The following HLCS variants were observed in gnomAD, a reference collection of about 807,000 sequenced individuals.
HLCS encodes biotin--protein ligase.
Under a neutral mutation model 75.0 loss-of-function variants are expected in HLCS, and 53 were observed. That is an observed-to-expected ratio of 0.71 (90% confidence interval 0.57 to 0.89). The LOEUF (loss-of-function observed/expected upper bound fraction) is 0.89. Among genes scored for constraint, HLCS ranks in the 40% least tolerant of loss-of-function variants. HLCS has a pLI of 0.00. For missense variants in HLCS, 966 were observed against 1,074.0 expected (o/e 0.90, Z 1.41); for synonymous variants, 431 against 428.6 (o/e 1.01, Z -0.07).
intron 2 of HLCS, among the ~76,000 whole-genome samples, chr21:36,958,775 C>CA (rs2068112616): frequency 7.2e-6 from 1 of 138,610 alleles, no homozygotes; most frequent in Admixed American, 7.9e-5. Context: ...GGCAACACAG[C>CA]AAGACTCCAT....
At chr21:36,910,101 T>C (rs1292641494) in intron 5 of HLCS, among the ~76,000 whole-genome samples, 3 of 152,216 alleles carry the variant, frequency 2.0e-5, no homozygotes, top group Non-Finnish European at 1.5e-5. Flanking sequence ...AAGCAAATAT[T>C]TGTCTACTCG....
chr21:36,895,943 GT>G (rs1325641581), intron 6 of HLCS, among the ~76,000 whole-genome samples: 1 of 151,988 alleles, frequency 6.6e-6, no homozygotes, highest in East Asian at 1.9e-4. Flanking sequence ...CCTTTCATTT[GT>G]TTTCTATTTT....
At position 36,800,144 on chromosome 21, in the gene HLCS, T is replaced by A. The variant is rs1298691998; in HGVS notation, c.1893-32859A>T. ...AGCTCAAATGACCCCGCAGACTCTG[T>A]GGCCAGCTTGACCCCACCACTCCAT... On this transcript the variant is annotated intron_variant, in intron 6 of 10. Coordinates refer to ENST00000674895, the MANE Select transcript of HLCS (RefSeq NM_001352514.2). 2.6e-5 allele frequency among the ~76,000 whole-genome samples: 4 copies of A among 152,100 alleles called. No individual in the cohort carries two copies. The East Asian group carries it at 7.7e-4, about 29-fold the overall frequency.
chr21:36,892,301 A>AT (rs2064820108), intron 6 of HLCS, among the ~76,000 whole-genome samples: 1 of 152,196 alleles, frequency 6.6e-6, no homozygotes, highest in East Asian at 1.9e-4. Flanking sequence ...CCATGACTCC[A>AT]AAAGATCCCA....
At chr21:36,928,058 CTG>C (rs1226791862) in intron 5 of HLCS, among the ~76,000 whole-genome samples, 1 of 152,174 alleles carries the variant, frequency 6.6e-6, no homozygotes, top group Admixed American at 6.5e-5. Context: ...TTCCCAGTCT[CTG>C]TGGTCCAGAT....
At chr21:36,869,123 T>C (rs2063680500) in intron 6 of HLCS, among the ~76,000 whole-genome samples, 1 of 150,866 alleles carries the variant, frequency 6.6e-6, no homozygotes, top group African/African-American at 2.4e-5. Flanking sequence ...TATTTATTTA[T>C]TTATTTATTT....
chr21:36,864,406 A>T (rs943867655), intron 6 of HLCS, among the ~76,000 whole-genome samples: 8 of 152,118 alleles, frequency 5.3e-5, no homozygotes, highest in African/African-American at 1.9e-4. Flanking sequence ...AAAAAAAAAA[A>T]AAAGTACATG....
rs192670268 is a variant in HLCS, at chr21:36,810,861, A to G, written c.1893-43576T>C. On this transcript the variant is annotated intron_variant, in intron 6 of 10. Coordinates refer to ENST00000674895, the MANE Select transcript of HLCS (RefSeq NM_001352514.2). ...TATGCCAGAGAGTGAGGAAGTGATCAAAGATCCAAGAGGCCCTGTCAAAAG... is the reference window on the plus strand; with the variant it reads ...TATGCCAGAGAGTGAGGAAGTGATCGAAGATCCAAGAGGCCCTGTCAAAAG... Among the ~76,000 whole-genome samples, 454 of 152,334 alleles carry G rather than the reference A, an allele frequency of 3.0e-3. 11 individuals carry two copies. The highest frequency in any genetic ancestry group is 0.026 in the Admixed American group (401 of 15,296).
At chr21:36,978,714 C>A (rs574302691) in intron 1 of HLCS, among the ~76,000 whole-genome samples, 1 of 151,952 alleles carries the variant, frequency 6.6e-6, no homozygotes, top group African/African-American at 2.4e-5. Flanking sequence ...GTCGGGAGAC[C>A]CTTAAAGAGA....
Position 36,905,009 on chromosome 21 carries a change from G to A in HLCS, c.1621-7878C>T, listed in dbSNP as rs80255731. ...TCAACTATCAGAGGATAGCTAAAACGTCACTTCTATAGGGAGGATGTCTCT... is the reference window on the plus strand; with the variant it reads ...TCAACTATCAGAGGATAGCTAAAACATCACTTCTATAGGGAGGATGTCTCT... On this transcript the variant is annotated intron_variant, in intron 5 of 10. Transcript: ENST00000674895. 1.1e-4 allele frequency among the ~76,000 whole-genome samples: 17 copies of A among 152,294 alleles called. No homozygotes were observed. The East Asian group carries it at 2.9e-3, about 26-fold the overall frequency.
intron 6 of HLCS, among the ~76,000 whole-genome samples, chr21:36,892,174 C>T (rs2064814664): frequency 6.6e-6 from 1 of 152,210 alleles, no homozygotes; most frequent in African/African-American, 2.4e-5. Flanking sequence ...TGTGACTATT[C>T]AGTCCTCAAA....
Position 36,769,911 on chromosome 21 carries a change from C to T in HLCS, c.1893-2626G>A, listed in dbSNP as rs954330997. Among the ~76,000 whole-genome samples, 6 of 152,124 alleles carry T rather than the reference C, an allele frequency of 3.9e-5. No homozygotes were observed. The East Asian group carries it at 5.8e-4, about 15-fold the overall frequency. ...AAATTCAGACCAAGTCCATCCACTT[C>T]GGGGATCTGAACCTAAGAAAATAGT... On this transcript the variant is annotated intron_variant, in intron 6 of 10. Transcript: ENST00000674895.
intron 1 of HLCS, among the ~76,000 whole-genome samples, chr21:36,987,201 T>C (rs973020199): frequency 1.3e-5 from 2 of 152,198 alleles, no homozygotes; most frequent in Non-Finnish European, 2.9e-5. Flanking sequence ...TCTGACTCCT[T>C]TTAATGGACA....
intron 1 of HLCS, among the ~76,000 whole-genome samples, chr21:36,987,937 T>C (rs540952246): frequency 2.7e-4 from 41 of 152,226 alleles, no homozygotes; most frequent in Non-Finnish European, 5.0e-4. Context: ...CACAGGTGGA[T>C]AGTCAAAGAG....
chr21:36,974,556 G>A (rs1338311410), intron 1 of HLCS: 1 of 152,188 alleles, frequency 6.6e-6, no homozygotes, highest in African/African-American at 2.4e-5. Context: ...TCAGGAGACA[G>A]GTACTTTAAA....
At chr21:36,932,671 T>C (rs2066698962) in intron 4 of HLCS, among the ~76,000 whole-genome samples, 1 of 152,210 alleles carries the variant, frequency 6.6e-6, no homozygotes, top group East Asian at 1.9e-4. Flanking sequence ...TCGTCTGCCT[T>C]ATTTTGTTTC....
intron 5 of HLCS, among the ~76,000 whole-genome samples, chr21:36,906,232 T>TA (rs1261506927): frequency 6.6e-6 from 1 of 152,014 alleles, no homozygotes; most frequent in Non-Finnish European, 1.5e-5. Flanking sequence ...ACTCCTGAAT[T>TA]AAAAATTAAA....
At chr21:36,855,536 T>TA (rs71901243) in intron 6 of HLCS, among the ~76,000 whole-genome samples, 3,351 of 75,120 alleles carry the variant, frequency 0.045, 338 homozygotes, top group African/African-American at 0.14. Context: ...AGACTCCATC[T>TA]AAAAAAAAAA....
intron 6 of HLCS, among the ~76,000 whole-genome samples, chr21:36,854,457 G>T (rs1442833559): frequency 2.6e-5 from 4 of 152,136 alleles, no homozygotes; most frequent in Admixed American, 2.0e-4. Context: ...GCATCAAAAG[G>T]AAGTGCAGAC....
Sources: allele counts gnomAD v4.1 joint callset (sites outside exome capture counted in the v4.1 genomes callset), GRCh38; gene constraint gnomAD v4.1.1; transcripts MANE v1.5; gene names NCBI Gene and HGNC (gene_info 2026-07-23, HGNC 2026-07-21).